Variants in EDARADD observed in about 807,000 individuals in gnomAD.
EDARADD encodes the protein EDAR associated via death domain, also known as ectodysplasin-A receptor-associated adapter protein.
Under a neutral mutation model 25.6 loss-of-function variants are expected in EDARADD, and 20 were observed. The observed-to-expected ratio is 0.78, with a 90% CI of 0.55 to 1.14. The LOEUF (loss-of-function observed/expected upper bound fraction) is 1.14. Among genes scored for constraint, EDARADD ranks in the 50% most tolerant of loss-of-function variants. The probability of loss-of-function intolerance (pLI) is 0.00; values close to 1 mark genes in which losing one functional copy is unlikely to be tolerated. For missense variants in EDARADD, 225 were observed against 270.1 expected, an observed-to-expected ratio of 0.83 and a Z score of 1.17; for synonymous variants, 86 against 94.4, an observed-to-expected ratio of 0.91 and a Z score of 0.52.
Position 236,377,598 on chromosome 1 carries a change from G to A in EDARADD, c.-6+26759G>A, listed in dbSNP as rs545914784. ...TTTTTGGCTGAGCGTGGTGGCTCAC[G>A]CCTGTAATCCCAGCACTTTGGGAGG... On this transcript the variant is annotated intron_variant, in intron 3 of 7. Transcript: ENST00000439430. Among the ~76,000 whole-genome samples the A allele has an allele frequency of 4.0e-5, 6 of 149,932 alleles. No individual in the cohort carries two copies. In the East Asian group the frequency reaches 6.2e-4, roughly 15 times the overall value.
chr1:236,408,276 C>T (rs668577), intron 1 of EDARADD, among the ~76,000 whole-genome samples: 69,043 of 151,944 alleles, frequency 0.45, 17,472 homozygotes, highest in Non-Finnish European at 0.58. Flanking sequence ...GATCTCAGCT[C>T]ACTGCAACCT....
At chr1:236,377,448 G>A (rs1009283328) in intron 3 of EDARADD, among the ~76,000 whole-genome samples, 12 of 148,810 alleles carry the variant, frequency 8.1e-5, no homozygotes, top group East Asian at 4.2e-4. Flanking sequence ...GAGCCACCAC[G>A]CCCAGCCCAG....
intron 4 of EDARADD, among the ~76,000 whole-genome samples, chr1:236,446,967 G>T (rs772998719): frequency 2.0e-5 from 3 of 152,198 alleles, no homozygotes; most frequent in Admixed American, 6.5e-5. Context: ...GTAAACAAAA[G>T]ACAAGACCTC....
chr1:236,427,953 AATTT>A (rs1358545450), intron 4 of EDARADD, among the ~76,000 whole-genome samples: 2 of 149,662 alleles, frequency 1.3e-5, no homozygotes, highest in African/African-American at 2.5e-5. Flanking sequence ...TAATTTTTTT[AATTT>A]ATTTATTTTA....
Position 236,362,361 on chromosome 1 carries a change from C to T in EDARADD, c.-6+11522C>T, listed in dbSNP as rs12075779. Among the ~76,000 whole-genome samples, 955 of 152,296 alleles carry T rather than the reference C, an allele frequency of 6.3e-3. 11 individuals are homozygous for T. The highest frequency in any genetic ancestry group is 0.022 in the African/African-American group (897 of 41,552). Reference sequence around the variant, plus strand: ...CCCATATATCTTTCTGGTGAATTGCCTGCCTAGATCTTTAGCCTAGTTTTA... The same window carrying T: ...CCCATATATCTTTCTGGTGAATTGCTTGCCTAGATCTTTAGCCTAGTTTTA... On this transcript the variant is annotated intron_variant, in intron 3 of 7. Transcript: ENST00000439430.
intron 4 of EDARADD, among the ~76,000 whole-genome samples, chr1:236,432,927 C>CAAAAAAA (rs537189248): frequency 9.0e-6 from 1 of 110,926 alleles, no homozygotes; most frequent in African/African-American, 3.3e-5. Context: ...GCAAGACTCT[C>CAAAAAAA]AAAAAAAAAA....
At chr1:236,447,545 T>G (rs1423265022) in intron 4 of EDARADD, among the ~76,000 whole-genome samples, 1 of 152,124 alleles carries the variant, frequency 6.6e-6, no homozygotes, top group African/African-American at 2.4e-5. Flanking sequence ...TTTTGGATAA[T>G]CCCTGAGCCT....
chr1:236,425,387 G>T (rs1657889643), intron 3 of EDARADD, among the ~76,000 whole-genome samples: 1 of 152,200 alleles, frequency 6.6e-6, no homozygotes, highest in Admixed American at 6.5e-5. Flanking sequence ...GATGGGCAGG[G>T]TCACTGCCTT....
intron 2 of EDARADD, among the ~76,000 whole-genome samples, chr1:236,413,103 A>G (rs1160898933): frequency 6.6e-6 from 1 of 152,186 alleles, no homozygotes; most frequent in Admixed American, 6.5e-5. Flanking sequence ...ATCTCAGGTG[A>G]TCTGCCTGCC....
At chr1:236,460,921 A>G (rs1332125002) in intron 4 of EDARADD, among the ~76,000 whole-genome samples, 1 of 151,946 alleles carries the variant, frequency 6.6e-6, no homozygotes, top group East Asian at 1.9e-4. Context: ...CGCCTGGTTC[A>G]AGCGATTCTC....
chr1:236,358,869 T>C (rs1667013337), intron 3 of EDARADD, among the ~76,000 whole-genome samples: 1 of 152,228 alleles, frequency 6.6e-6, no homozygotes, highest in Non-Finnish European at 1.5e-5. Flanking sequence ...TGGAGAGTTC[T>C]GTAGATATCT....
At chr1:236,443,634 T>G (rs977119858) in intron 4 of EDARADD, among the ~76,000 whole-genome samples, 1 of 152,194 alleles carries the variant, frequency 6.6e-6, no homozygotes, top group Non-Finnish European at 1.5e-5. Context: ...CTTGAATGGA[T>G]CAATAGTTGC....
intron 4 of EDARADD, among the ~76,000 whole-genome samples, chr1:236,456,280 A>T (rs1231378477): frequency 6.6e-6 from 1 of 152,064 alleles, no homozygotes; most frequent in East Asian, 1.9e-4. Context: ...TCTGTTCTTC[A>T]TTTACCTACC....
At chr1:236,464,433 T>TC (rs1659130897) in intron 4 of EDARADD, among the ~76,000 whole-genome samples, 4 of 103,960 alleles carry the variant, frequency 3.8e-5, no homozygotes, top group Admixed American at 1.0e-4. Flanking sequence ...CTTTTTTTTT[T>TC]TTTTTTTTTT....
intron 4 of EDARADD, among the ~76,000 whole-genome samples, chr1:236,460,846 G>C (rs575590140): frequency 6.6e-6 from 1 of 151,172 alleles, no homozygotes; most frequent in Non-Finnish European, 1.5e-5. Context: ...TTTTTGAGAC[G>C]TAGTCTTGCT....
chr1:236,411,126 A>G (rs998006531), intron 2 of EDARADD, among the ~76,000 whole-genome samples: 2 of 151,952 alleles, frequency 1.3e-5, no homozygotes, highest in Non-Finnish European at 2.9e-5. Flanking sequence ...CCTTGGAGCT[A>G]TGTCCTTATG....
chr1:236,481,094 C>G (rs1209597367), intron 5 of EDARADD, among the ~76,000 whole-genome samples: 1 of 152,206 alleles, frequency 6.6e-6, no homozygotes, highest in African/African-American at 2.4e-5. Flanking sequence ...CTGGCACTAT[C>G]AACTCTCACT....
At chr1:236,360,398 A>G (rs534578486) in intron 3 of EDARADD, among the ~76,000 whole-genome samples, 110 of 152,202 alleles carry the variant, frequency 7.2e-4, no homozygotes, top group African/African-American at 2.6e-3. Flanking sequence ...GCCTTATGAC[A>G]TCCATCCAAG....
At chr1:236,350,139 AG>A (rs1376671065) in intron 2 of EDARADD, among the ~76,000 whole-genome samples, 30 of 152,244 alleles carry the variant, frequency 2.0e-4, no homozygotes, top group Non-Finnish European at 5.9e-5. Context: ...AATGAAGAAA[AG>A]GGGGAAAGAG....
Sources: allele counts gnomAD v4.1 joint callset (sites outside exome capture counted in the v4.1 genomes callset), GRCh38; gene constraint gnomAD v4.1.1; transcripts MANE v1.5; gene names NCBI Gene and HGNC (gene_info 2026-07-23, HGNC 2026-07-21).